The following TBC1D5 variants were observed in gnomAD, a reference collection of about 807,000 sequenced individuals.
TBC1D5 encodes the protein TBC1 domain family member 5.
A neutral mutation model predicts 100.3 loss-of-function variants in TBC1D5; 75 were observed. The ratio of observed to expected loss-of-function variants is 0.75; its 90% CI spans 0.62 to 0.91. TBC1D5 has a LOEUF of 0.91. Ranked by LOEUF, TBC1D5 falls within the 40% of genes least tolerant of loss-of-function variation. The probability of loss-of-function intolerance (pLI) is 0.00; values close to 1 mark genes in which losing one functional copy is unlikely to be tolerated. For synonymous variants in TBC1D5, 323 were observed against 325.6 expected (o/e 0.99, Z 0.09); for missense variants, 910 against 942.4 (o/e 0.97, Z 0.45).
chr3:17,283,129 C>T (rs2080789464), intron 15 of TBC1D5, among the ~76,000 whole-genome samples: 1 of 152,222 alleles, frequency 6.6e-6, no homozygotes, highest in Non-Finnish European at 1.5e-5. Context: ...CTCTAAGAAA[C>T]TTTCTGACCA....
At chr3:17,345,332 C>G (rs2089701113) in intron 13 of TBC1D5, among the ~76,000 whole-genome samples, 1 of 152,216 alleles carries the variant, frequency 6.6e-6, no homozygotes, top group Non-Finnish European at 1.5e-5. Context: ...CTCATCATCA[C>G]TGGCCATCAG....
chr3:17,557,700 G>GGGCTGGGA (rs2096531162), intron 2 of TBC1D5, among the ~76,000 whole-genome samples: 2 of 152,088 alleles, frequency 1.3e-5, no homozygotes, highest in Non-Finnish European at 2.9e-5. Context: ...ACAGACACAT[G>GGGCTGGGA]CAACCATGCC....
intron 17 of TBC1D5, among the ~76,000 whole-genome samples, chr3:17,224,857 A>C (rs1310572931): frequency 6.6e-6 from 1 of 152,214 alleles, no homozygotes; most frequent in Admixed American, 6.5e-5. Flanking sequence ...GGTAATACTA[A>C]GATCAGCTCT....
intron 4 of TBC1D5, among the ~76,000 whole-genome samples, chr3:17,418,672 A>G (rs1417252016): frequency 6.6e-6 from 1 of 152,156 alleles, no homozygotes; most frequent in East Asian, 1.9e-4. Flanking sequence ...ACTATAAAAT[A>G]GCAGTTCATG....
chr3:17,191,996 G>T (rs1037880398), intron 18 of TBC1D5, among the ~76,000 whole-genome samples: 1 of 151,868 alleles, frequency 6.6e-6, no homozygotes, highest in African/African-American at 2.4e-5. Context: ...GGGAAAACAG[G>T]TTACAAAGTA....
intron 18 of TBC1D5, among the ~76,000 whole-genome samples, chr3:17,210,013 T>TC (rs768252052): frequency 1.5e-4 from 23 of 152,136 alleles, no homozygotes; most frequent in Admixed American, 5.9e-4. Context: ...CTCAGGCTCC[T>TC]CCTCCTTAGT....
intron 1 of TBC1D5, among the ~76,000 whole-genome samples, chr3:17,671,176 A>G (rs1577361651): frequency 6.6e-6 from 1 of 152,256 alleles, no homozygotes; most frequent in African/African-American, 2.4e-5. Context: ...TCCAAATATA[A>G]AATTATCTGA....
At chr3:17,742,264 C>A (rs1397427918), upstream of TBC1D5, among the ~76,000 whole-genome samples, 1 of 152,182 alleles carries the variant, frequency 6.6e-6, no homozygotes, top group Non-Finnish European at 1.5e-5. Flanking sequence ...GGCGGTGCGG[C>A]AACCCGTCCG....
intron 13 of TBC1D5, among the ~76,000 whole-genome samples, chr3:17,317,281 C>T: frequency 6.6e-6 from 1 of 152,108 alleles, no homozygotes; most frequent in East Asian, 1.9e-4. Context: ...AGTTACTATC[C>T]ATTAACACAG....
intron 17 of TBC1D5, among the ~76,000 whole-genome samples, chr3:17,230,012 T>A (rs950601553): frequency 2.0e-5 from 3 of 152,190 alleles, no homozygotes; most frequent in African/African-American, 7.2e-5. Context: ...ATTTTACATA[T>A]ATTTCTCTGC....
At chr3:17,564,066 G>A (rs765606248) in intron 2 of TBC1D5, among the ~76,000 whole-genome samples, 3 of 152,198 alleles carry the variant, frequency 2.0e-5, no homozygotes, top group Non-Finnish European at 2.9e-5. Context: ...ACAGGCATGA[G>A]CCACCGTGCC....
At chr3:17,273,836 T>C (rs2079685164) in intron 15 of TBC1D5, among the ~76,000 whole-genome samples, 1 of 147,516 alleles carries the variant, frequency 6.8e-6, no homozygotes, top group Non-Finnish European at 1.5e-5. Flanking sequence ...AAATTGCTAA[T>C]CTGCATATTT....
chr3:17,299,046 A>C (rs2082546496), intron 14 of TBC1D5, among the ~76,000 whole-genome samples: 1 of 152,234 alleles, frequency 6.6e-6, no homozygotes, highest in Admixed American at 6.5e-5. Context: ...GATTAGCAAC[A>C]ATACCTAATA....
chr3:17,676,664 A>G (rs1318179717), intron 1 of TBC1D5, among the ~76,000 whole-genome samples: 3 of 152,196 alleles, frequency 2.0e-5, no homozygotes, highest in Non-Finnish European at 4.4e-5. Context: ...TAAAGTTCAT[A>G]TGGAACCAAA....
intron 13 of TBC1D5, among the ~76,000 whole-genome samples, chr3:17,355,381 T>C (rs768228010): frequency 2.6e-5 from 4 of 152,092 alleles, no homozygotes; most frequent in Non-Finnish European, 5.9e-5. Context: ...ATTAAAATAG[T>C]TCCAAGTAGA....
Position 17,346,005 on chromosome 3 carries a change from C to A in TBC1D5, c.995+26070G>T, listed in dbSNP as rs1003208777. ...TAATGGGTGCAGCACACCAGCATGGCACATGTATACATATGTAACTAACCT... is the reference window on the plus strand; with the variant it reads ...TAATGGGTGCAGCACACCAGCATGGAACATGTATACATATGTAACTAACCT... On this transcript the variant is annotated intron_variant, in intron 13 of 21. Coordinates refer to ENST00000253692, the Ensembl canonical transcript of TBC1D5. 2.6e-5 allele frequency among the ~76,000 whole-genome samples: 4 copies of A among 151,998 alleles called. No individual in the cohort carries two copies. The East Asian group carries it at 7.7e-4, about 29-fold the overall frequency.
chr3:17,601,281 C>A (rs1005036031), intron 2 of TBC1D5, among the ~76,000 whole-genome samples: 2 of 152,160 alleles, frequency 1.3e-5, no homozygotes, highest in Non-Finnish European at 2.9e-5. Context: ...GAGGCCCAGG[C>A]GGGTGGATCA....
At position 17,364,667 on chromosome 3, in the gene TBC1D5, T is replaced by C. The variant is rs1269074459; in HGVS notation, c.995+7408A>G. Among the ~76,000 whole-genome samples, 7 of 152,312 alleles carry C rather than the reference T, an allele frequency of 4.6e-5. No homozygotes were observed. The East Asian group carries it at 1.3e-3, about 29-fold the overall frequency. The stretch of plus-strand genomic sequence containing the variant: ...CCAGTCAATAATTTTTGCCTTTTAC[T>C]AGGTAAGTTTAAAGCATTTATGTAT... On this transcript the variant is annotated intron_variant, in intron 13 of 21. Coordinates refer to ENST00000253692, the Ensembl canonical transcript of TBC1D5.
chr3:17,593,751 T>C (rs1371503527), intron 2 of TBC1D5, among the ~76,000 whole-genome samples: 1 of 152,202 alleles, frequency 6.6e-6, no homozygotes, highest in Non-Finnish European at 1.5e-5. Flanking sequence ...TCTTCCTATG[T>C]TCCCCATCAT....
Sources: gnomAD v4.1 joint callset for allele counts (sites outside exome capture counted in the v4.1 genomes callset) on GRCh38, gnomAD v4.1.1 for gene constraint, MANE v1.5 for transcripts, NCBI Gene and HGNC (gene_info 2026-07-23, HGNC 2026-07-21) for gene names.